VGLL4: variants seen among roughly 807,000 people sequenced by gnomAD.
The protein encoded by VGLL4 is vestigial like family member 4.
Under a neutral mutation model 21.0 loss-of-function variants are expected in VGLL4, and 7 were observed. The observed-to-expected ratio is 0.33, with a 90% CI of 0.19 to 0.63. The LOEUF (loss-of-function observed/expected upper bound fraction) is 0.63, where lower values mean the gene tolerates loss of function less well. Among genes scored for constraint, VGLL4 ranks in the 20% least tolerant of loss-of-function variants. VGLL4 has a pLI of 0.78. For synonymous variants in VGLL4, 222 were observed against 173.2 expected (o/e 1.28, Z -2.21); for missense variants, 394 against 425.7 (o/e 0.93, Z 0.66).
intron 1 of VGLL4, among the ~76,000 whole-genome samples, chr3:11,630,056 G>T (rs1237580688): frequency 6.6e-6 from 1 of 152,138 alleles, no homozygotes; most frequent in Non-Finnish European, 1.5e-5. Flanking sequence ...TGGTTTCCAT[G>T]GCTTAGATTT....
intron 1 of VGLL4, among the ~76,000 whole-genome samples, chr3:11,614,202 C>T (rs2075116153): frequency 6.6e-6 from 1 of 152,256 alleles, no homozygotes; most frequent in Non-Finnish European, 1.5e-5. Context: ...TACTCATCTG[C>T]ACTTTCAAAA....
In VGLL4 at chr3:11,719,565, C is replaced by G. The variant is rs1435426876; in HGVS notation, c.-14+829G>C. On this transcript the variant is annotated intron_variant, in intron 1 of 5. Coordinates refer to the VGLL4 transcript ENST00000273038. The surrounding 1 kb of genome is among the most constrained non-coding windows in gnomAD (Gnocchi z 4.0). ...GCGCCCGAGCCCCCGCACGGGCCCC[C>G]GCCAAACACGCACACGCACACGCAC... is the stretch of plus-strand genomic sequence containing the variant. The G allele has an allele frequency of 6.6e-6, 1 of 151,666 alleles. No homozygotes were observed. 9.4% of individuals were successfully genotyped at this position (151,666 alleles called of 1,614,324 possible). A position where few individuals can be genotyped will look rare whatever the true frequency, so the allele number is the denominator to read the frequency against.
At chr3:11,631,001 C>T (rs1254893808) in intron 1 of VGLL4, among the ~76,000 whole-genome samples, 1 of 152,180 alleles carries the variant, frequency 6.6e-6, no homozygotes, top group East Asian at 1.9e-4. Flanking sequence ...CATCATCCAT[C>T]AAGTTTAGAA....
chr3:11,614,756 C>T (rs1431730007), intron 1 of VGLL4, among the ~76,000 whole-genome samples: 1 of 152,202 alleles, frequency 6.6e-6, no homozygotes, highest in Non-Finnish European at 1.5e-5. Flanking sequence ...GTGGAAGCAG[C>T]ATTAGGGACT....
intron 1 of VGLL4, among the ~76,000 whole-genome samples, chr3:11,628,413 G>C (rs1379747029): frequency 6.7e-6 from 1 of 149,958 alleles, no homozygotes; most frequent in East Asian, 1.9e-4. Flanking sequence ...AAAAAGAAAA[G>C]AAACATCGAA....
chr3:11,571,173 C>T (rs1482791196), intron 2 of VGLL4, among the ~76,000 whole-genome samples: 1 of 152,224 alleles, frequency 6.6e-6, no homozygotes, highest in African/African-American at 2.4e-5. Flanking sequence ...CCTGAGGCTC[C>T]TGGCTTCAAT....
At chr3:11,704,119 G>A (rs761566702) in intron 1 of VGLL4, among the ~76,000 whole-genome samples, 1 of 152,098 alleles carries the variant, frequency 6.6e-6, no homozygotes, top group Admixed American at 6.5e-5. Context: ...GGTGGCTCAC[G>A]CCTGTAATCC....
intron 2 of VGLL4, among the ~76,000 whole-genome samples, chr3:11,590,192 A>T (rs1190696104): frequency 6.6e-6 from 1 of 152,194 alleles, no homozygotes; most frequent in Non-Finnish European, 1.5e-5. Flanking sequence ...GTGTCACTCC[A>T]GTTGTCAGAT....
chr3:11,698,721 C>T (rs1436471828), intron 2 of VGLL4, among the ~76,000 whole-genome samples: 2 of 152,164 alleles, frequency 1.3e-5, no homozygotes, highest in East Asian at 3.8e-4. Context: ...CCAGGCCATC[C>T]AGATAAGCAA....
chr3:11,655,769 G>A (rs906176372), intron 2 of VGLL4, among the ~76,000 whole-genome samples: 6 of 152,118 alleles, frequency 3.9e-5, no homozygotes, highest in East Asian at 1.9e-4. Flanking sequence ...CTAGTGACTC[G>A]TCTCACTGCA....
chr3:11,627,285 A>G (rs1428149035), intron 1 of VGLL4: 6 of 149,370 alleles, frequency 4.0e-5, no homozygotes, highest in Admixed American at 3.4e-4. Context: ...TGGTGAGAAA[A>G]CCATCAATGT....
chr3:11,690,501 A>G (rs1202666911), intron 2 of VGLL4, among the ~76,000 whole-genome samples: 2 of 152,158 alleles, frequency 1.3e-5, no homozygotes, highest in African/African-American at 4.8e-5. Context: ...TCGCTAGGAA[A>G]CTGAAAAATA....
intron 1 of VGLL4, chr3:11,626,240 C>G (rs3856802): frequency 4.9e-6 from 2 of 410,236 alleles, no homozygotes; most frequent in Non-Finnish European, 9.7e-6. Flanking sequence ...TAACCAAATA[C>G]GGAAGCTGAA....
chr3:11,634,903 C>T (rs754500638), intron 1 of VGLL4, among the ~76,000 whole-genome samples: 11 of 152,144 alleles, frequency 7.2e-5, no homozygotes, highest in Non-Finnish European at 1.6e-4. Flanking sequence ...AACTCCTGAG[C>T]TCAAGCAATC....
chr3:11,680,881 G>A (rs919754800), intron 2 of VGLL4, among the ~76,000 whole-genome samples: 1 of 152,168 alleles, frequency 6.6e-6, no homozygotes. Flanking sequence ...GCACAGGCAC[G>A]CGATGAGTAT....
intron 2 of VGLL4, among the ~76,000 whole-genome samples, chr3:11,667,168 G>A (rs1310367443): frequency 5.9e-5 from 9 of 152,126 alleles, no homozygotes; most frequent in South Asian, 2.1e-4. Flanking sequence ...TAGTGCAGAT[G>A]CCTGCCGCAT....
At chr3:11,618,676 TATTA>T (rs948249257) in intron 1 of VGLL4, among the ~76,000 whole-genome samples, 1 of 152,192 alleles carries the variant, frequency 6.6e-6, no homozygotes, top group Admixed American at 6.5e-5. Context: ...GAAAAGAGAC[TATTA>T]AATAATAAAG....
chr3:11,685,185 G>C (rs2076428856), intron 2 of VGLL4, among the ~76,000 whole-genome samples: 1 of 145,304 alleles, frequency 6.9e-6, no homozygotes, highest in Non-Finnish European at 1.5e-5. Flanking sequence ...TAGCTGCATA[G>C]TATTCCATGG....
chr3:11,659,900 C>T (rs1241637894), intron 2 of VGLL4, among the ~76,000 whole-genome samples: 3 of 152,218 alleles, frequency 2.0e-5, no homozygotes, highest in East Asian at 3.9e-4. Context: ...CGGTGGCTCA[C>T]GCCTATAATC....
Sources: gnomAD v4.1 joint callset for allele counts (sites outside exome capture counted in the v4.1 genomes callset) on GRCh38, gnomAD v4.1.1 for gene constraint, Gnocchi (gnomAD v3.1) non-coding constraint, MANE v1.5 for transcripts, NCBI Gene and HGNC (gene_info 2026-07-23, HGNC 2026-07-21) for gene names.